The following ADAM12 variants were observed in gnomAD, a reference collection of about 807,000 sequenced individuals.
ADAM12 encodes disintegrin and metalloproteinase domain-containing protein 12.
ADAM12 carries 70 observed loss-of-function variants against 106.4 expected under a neutral mutation model. The ratio of observed to expected loss-of-function variants is 0.66; its 90% CI spans 0.54 to 0.80. The LOEUF (loss-of-function observed/expected upper bound fraction) is 0.80, where lower values mean the gene tolerates loss of function less well. ADAM12 is among the 30% of genes least tolerant of loss of function. The pLI is 0.00. For synonymous variants in ADAM12, 420 were observed against 433.5 expected, an observed-to-expected ratio of 0.97 and a Z score of 0.39; for missense variants, 1,010 against 1,171.9, an observed-to-expected ratio of 0.86 and a Z score of 2.02.
chr10:126,115,811 T>G (rs1378395786), intron 6 of ADAM12, among the ~76,000 whole-genome samples: 2 of 152,202 alleles, frequency 1.3e-5, no homozygotes, highest in African/African-American at 4.8e-5. Flanking sequence ...AAATGTCCCT[T>G]TCATATTTAC....
chr10:126,218,650 G>T (rs1390797017), intron 3 of ADAM12, among the ~76,000 whole-genome samples: 1 of 152,124 alleles, frequency 6.6e-6, no homozygotes, highest in East Asian at 1.9e-4. Flanking sequence ...GGTCTGCCTT[G>T]CCAGGGCCTC....
chr10:126,365,441 G>T (rs1310656574), intron 1 of ADAM12, among the ~76,000 whole-genome samples: 2 of 152,148 alleles, frequency 1.3e-5, no homozygotes, highest in African/African-American at 2.4e-5. Context: ...AGAACATAAA[G>T]GGGTGTATCA....
chr10:126,233,459 G>A (rs78090809), intron 3 of ADAM12, among the ~76,000 whole-genome samples: 26,481 of 152,106 alleles, frequency 0.17, 2,845 homozygotes, highest in South Asian at 0.31. Flanking sequence ...GCGGGGACCA[G>A]GAGTGGAGAA....
chr10:126,142,555 C>G (rs77568255), intron 4 of ADAM12, among the ~76,000 whole-genome samples: 4,726 of 152,302 alleles, frequency 0.031, 235 homozygotes, highest in African/African-American at 0.11. Context: ...CCACAACCTT[C>G]CAGCGTGGGT....
Position 126,038,295 on chromosome 10 carries a change from G to T in ADAM12, c.2295C>A (p.Leu765=). ...TCATCAGGCCTTTTCCAAGGTGGCC[G>T]AGGTGAGCCTGACAGGGTTGGAAGC... ...PRGFQPCQAH[L]GHLGKGLMRK... is the part of the protein sequence containing the mutation. Residue 765 remains leucine (L), a synonymous_variant, in exon 20 of 23, where the codon CTC becomes CTA. Transcript: ENST00000448723. 6.2e-7 allele frequency: 1 copy of T among 1,612,284 alleles called. No homozygotes were observed. The highest frequency in any genetic ancestry group is 8.5e-7 in the Non-Finnish European group (1 of 1,179,296).
At position 126,294,844 on chromosome 10, in the gene ADAM12, T is replaced by G. The variant is rs183299363; in HGVS notation, c.187-15856A>C. On this transcript the variant is annotated intron_variant, in intron 2 of 22. Transcript: ENST00000448723. Reference sequence around the variant, plus strand: ...TTCAGAGAAAATAGTTCAGAAAAGATTTCTGATGCATTATTAACTAGAAGA... The same window carrying G: ...TTCAGAGAAAATAGTTCAGAAAAGAGTTCTGATGCATTATTAACTAGAAGA... 5.2e-3 allele frequency among the ~76,000 whole-genome samples: 786 copies of G among 152,254 alleles called. 6 individuals carry two copies. Among genetic ancestry groups the G allele is most frequent in the Non-Finnish European group, 9.0e-3 (611 of 68,020 alleles).
intron 8 of ADAM12, among the ~76,000 whole-genome samples, chr10:126,107,076 G>T (rs534733803): frequency 8.5e-5 from 13 of 152,240 alleles, no homozygotes; most frequent in African/African-American, 2.9e-4. Flanking sequence ...ACACATACAT[G>T]CATGCAGGGC....
At chr10:126,372,742 T>C (rs1856152866) in intron 1 of ADAM12, among the ~76,000 whole-genome samples, 1 of 152,240 alleles carries the variant, frequency 6.6e-6, no homozygotes, top group African/African-American at 2.4e-5. Context: ...ATCCCAGCCC[T>C]TTCTGCCTCC....
At chr10:126,169,011 C>T (rs1650886463) in intron 3 of ADAM12, among the ~76,000 whole-genome samples, 1 of 152,156 alleles carries the variant, frequency 6.6e-6, no homozygotes, top group Non-Finnish European at 1.5e-5. Context: ...CGAGATCGCA[C>T]CAGTGCACTC....
In ADAM12 at chr10:126,326,562, G is replaced by A. The variant is rs114606791; in HGVS notation, c.186+3850C>T. On this transcript the variant is annotated intron_variant, in intron 2 of 22. Coordinates refer to ENST00000448723, the MANE Select transcript of ADAM12 (RefSeq NM_001288973.2). ...TGCTGTCCGTGGTCAGAGTGTGGAC[G>A]CCTCCCTCTCCTTCCTGGACAGTTG... Among the ~76,000 whole-genome samples the A allele has an allele frequency of 3.4e-3, 518 of 152,224 alleles. 9 individuals are homozygous for A. Among genetic ancestry groups the A allele is most frequent in the African/African-American group, 0.012 (491 of 41,530 alleles).
At chr10:126,223,298 C>G (rs1958130993) in intron 3 of ADAM12, among the ~76,000 whole-genome samples, 1 of 152,146 alleles carries the variant, frequency 6.6e-6, no homozygotes, top group South Asian at 2.1e-4. Context: ...AGAAGTATTT[C>G]TCATATTTCA....
At chr10:126,217,031 A>G (rs1455260247) in intron 3 of ADAM12, among the ~76,000 whole-genome samples, 1 of 152,180 alleles carries the variant, frequency 6.6e-6, no homozygotes, top group Non-Finnish European at 1.5e-5. Flanking sequence ...TCCAACTCTG[A>G]GCTCAAGAAT....
chr10:126,190,989 CCTTTTTTTTTTTTTT>C lies in ADAM12; in HGVS notation c.261-35699_261-35685del, dbSNP rs1353146516. On this transcript the variant is annotated intron_variant, in intron 3 of 22. Coordinates refer to ENST00000448723, the MANE Select transcript of ADAM12 (RefSeq NM_001288973.2). ...TTTGAGTTGCCATGAGGAGTTTTGT[CCTTTTTTTTTTTTTT>C]TTTTTTTTTTTTTTTCAGACAGAGT... Among the ~76,000 whole-genome samples, 29 of 68,730 alleles carry C rather than the reference CCTTTTTTTTTTTTTT, an allele frequency of 4.2e-4. 1 individual carries two copies. Among genetic ancestry groups the C allele is most frequent in the Middle Eastern group, 8.9e-3 (1 of 112 alleles). 45.1% of individuals were successfully genotyped at this position (68,730 alleles called of 152,430 possible). A position where few individuals can be genotyped will look rare whatever the true frequency, so the allele number is the denominator to read the frequency against.
intron 3 of ADAM12, among the ~76,000 whole-genome samples, chr10:126,258,966 G>A (rs1016264335): frequency 5.3e-5 from 8 of 152,148 alleles, no homozygotes; most frequent in South Asian, 2.1e-4. Flanking sequence ...GTTCCCTACC[G>A]TGTCCCCAGT....
chr10:126,020,638 A>G (rs1012233011), intron 21 of ADAM12, among the ~76,000 whole-genome samples: 2 of 152,206 alleles, frequency 1.3e-5, no homozygotes, highest in African/African-American at 4.8e-5. Context: ...CAGCACACAG[A>G]TAATAGTTAT....
rs71029290 is a variant in ADAM12, at chr10:126,158,350, A to ACGG, written c.261-3046_261-3045insCCG. On this transcript the variant is annotated intron_variant, in intron 3 of 22. Transcript: ENST00000448723. ...GCATGGAGGGGAGGATGCACAGAGC[A>ACGG]TGAGGGATGCACAGAGCATGGGAAG... Among the ~76,000 whole-genome samples, 585 of 146,066 alleles carry ACGG rather than the reference A, an allele frequency of 4.0e-3. 1 individual carries two copies. The highest frequency in any genetic ancestry group is 7.2e-3 in the Middle Eastern group (2 of 276).
chr10:126,054,088 T>C (rs74158097), intron 14 of ADAM12, among the ~76,000 whole-genome samples: 4,128 of 152,268 alleles, frequency 0.027, 192 homozygotes, highest in African/African-American at 0.092. Context: ...TCTTCTGTTA[T>C]GTTATCACTG....
chr10:126,024,002 GTAT>G (rs1345555160), intron 21 of ADAM12, among the ~76,000 whole-genome samples: 2 of 152,074 alleles, frequency 1.3e-5, no homozygotes, highest in East Asian at 3.9e-4. Flanking sequence ...TCAGATTTGG[GTAT>G]TATTGGAAAA....
intron 12 of ADAM12, among the ~76,000 whole-genome samples, chr10:126,068,674 A>G (rs903533384): frequency 9.2e-5 from 14 of 152,228 alleles, no homozygotes; most frequent in Non-Finnish European, 2.1e-4. Flanking sequence ...CAAACCACCC[A>G]GGATCTATTT....
Sources: gnomAD v4.1 joint callset for allele counts (sites outside exome capture counted in the v4.1 genomes callset) on GRCh38, gnomAD v4.1.1 for gene constraint, MANE v1.5 for transcripts, NCBI Gene and HGNC (gene_info 2026-07-23, HGNC 2026-07-21) for gene names.